The following PTPRM variants were observed in gnomAD, a reference collection of about 807,000 sequenced individuals.
PTPRM encodes protein tyrosine phosphatase receptor type M, also known as receptor-type tyrosine-protein phosphatase mu.
In PTPRM, 47 loss-of-function variants were observed where a neutral mutation model predicts 186.7. The ratio of observed to expected loss-of-function variants is 0.25; its 90% CI spans 0.20 to 0.32. PTPRM has a LOEUF of 0.32. Ranked by LOEUF, PTPRM falls within the 10% of genes least tolerant of loss-of-function variation. PTPRM has a pLI of 1.00. For synonymous variants in PTPRM, 668 were observed against 674.9 expected (o/e 0.99, Z 0.16); for missense variants, 1,494 against 1,865.0 (o/e 0.80, Z 3.66).
At position 8,277,629 on chromosome 18, in the gene PTPRM, T is replaced by C. The variant is rs981445026; in HGVS notation, c.2755-18739T>C. On this transcript the variant is annotated intron_variant, in intron 19 of 32. Transcript: ENST00000580170. Reference sequence around the variant, plus strand: ...CTTCCAAAAGTTAATATTACAGTTATATAAACTTCTATAATCTAACTGATT... The same window carrying C: ...CTTCCAAAAGTTAATATTACAGTTACATAAACTTCTATAATCTAACTGATT... 3.3e-5 allele frequency among the ~76,000 whole-genome samples: 5 copies of C among 152,250 alleles called. No homozygotes were observed. In the East Asian group the frequency reaches 5.8e-4, roughly 18 times the overall value.
chr18:7,932,562 T>A (rs925290911), intron 5 of PTPRM, among the ~76,000 whole-genome samples: 5 of 152,230 alleles, frequency 3.3e-5, no homozygotes, highest in Admixed American at 3.3e-4. Flanking sequence ...TAAGTATTGT[T>A]ATTTATTTAC....
intron 7 of PTPRM, among the ~76,000 whole-genome samples, chr18:7,984,494 C>T (rs1383750257): frequency 1.4e-5 from 2 of 147,504 alleles, no homozygotes; most frequent in Admixed American, 6.9e-5. Context: ...AATCTACCTT[C>T]GTGATTAATA....
At chr18:7,779,432 A>G (rs1248907085) in intron 2 of PTPRM, among the ~76,000 whole-genome samples, 1 of 152,218 alleles carries the variant, frequency 6.6e-6, no homozygotes, top group African/African-American at 2.4e-5. Context: ...CAGAGAGGAA[A>G]GTGTCAGGAT....
At chr18:8,379,024 C>T (rs1191163356) in intron 27 of PTPRM, 143 bp from the exon 28 acceptor site, 8 of 611,838 alleles carry the variant, frequency 1.3e-5, no homozygotes, top group East Asian at 3.2e-5. Flanking sequence ...AAAGAAAACT[C>T]GAACTATGGT....
At chr18:8,386,609 A>G (rs1335809770) in intron 30 of PTPRM, among the ~76,000 whole-genome samples, 1 of 152,210 alleles carries the variant, frequency 6.6e-6, no homozygotes, top group East Asian at 1.9e-4. Context: ...GGATTAATTA[A>G]CTATTGCTAT....
chr18:8,158,810 C>T (rs61496201), intron 14 of PTPRM, among the ~76,000 whole-genome samples: 18,649 of 152,100 alleles, frequency 0.12, 1,262 homozygotes, highest in Non-Finnish European at 0.15. Flanking sequence ...AGCACGAGAG[C>T]GAGCGGGAGG....
chr18:8,365,770 A>C (rs561164351), intron 23 of PTPRM: 2 of 152,672 alleles, frequency 1.3e-5, no homozygotes, highest in South Asian at 2.1e-4. Flanking sequence ...TCTCCGGGAC[A>C]CCCTGCCTCC....
Position 7,910,569 on chromosome 18 carries a change from G to A in PTPRM, c.547+3986G>A, listed in dbSNP as rs141765867. On this transcript the variant is annotated intron_variant, in intron 4 of 32. Coordinates refer to ENST00000580170, the MANE Select transcript of PTPRM (RefSeq NM_001105244.2). Reference sequence around the variant, plus strand: ...TGGCCGATGGTCAGTCTGATTGGTCGTGGGAGGGGACCATTCAGAGGCTGA... The same window carrying A: ...TGGCCGATGGTCAGTCTGATTGGTCATGGGAGGGGACCATTCAGAGGCTGA... Among the ~76,000 whole-genome samples the A allele has an allele frequency of 7.0e-3, 1,073 of 152,300 alleles. 20 individuals are homozygous for A. The highest frequency in any genetic ancestry group is 0.028 in the Admixed American group (422 of 15,298).
chr18:8,103,013 A>G (rs1006571679), intron 11 of PTPRM, among the ~76,000 whole-genome samples: 7 of 151,408 alleles, frequency 4.6e-5, no homozygotes, highest in Non-Finnish European at 1.0e-4. Context: ...ATGAGCAGTA[A>G]TATTTAGAAA....
In PTPRM at chr18:8,386,944, T is replaced by C. The variant is rs8092412; in HGVS notation, c.4045-128T>C. 1,636 of 958,958 alleles carry C rather than the reference T, an allele frequency of 1.7e-3. 21 individuals are homozygous for C. In the African/African-American group the frequency reaches 0.022, roughly 13 times the overall value. 59.4% of individuals were successfully genotyped at this position (958,958 alleles called of 1,614,324 possible). On this transcript the variant is annotated intron_variant, in intron 30 of 32. Transcript: ENST00000580170. ...ACTCTTCAGGCCAGCAGAAGCCACG[T>C]TGGTAATTTGTAGGCAGGACTCGCC...
At chr18:8,090,538 C>G (rs990150439) in intron 11 of PTPRM, among the ~76,000 whole-genome samples, 1 of 152,052 alleles carries the variant, frequency 6.6e-6, no homozygotes, top group Non-Finnish European at 1.5e-5. Context: ...ACTTTCAAAC[C>G]CTTTCAGTTG....
At chr18:7,779,451 G>A (rs1398336865) in intron 2 of PTPRM, among the ~76,000 whole-genome samples, 3 of 152,186 alleles carry the variant, frequency 2.0e-5, no homozygotes, top group South Asian at 2.1e-4. Context: ...ATGGAGCAGC[G>A]TGTGCACTCT....
At chr18:7,834,162 T>C (rs907043940) in intron 2 of PTPRM, among the ~76,000 whole-genome samples, 1 of 152,146 alleles carries the variant, frequency 6.6e-6, no homozygotes, top group Non-Finnish European at 1.5e-5. Flanking sequence ...TTTTACCAAA[T>C]ACTTTTTAGC....
At chr18:8,276,903 A>T (rs576447112) in intron 19 of PTPRM, among the ~76,000 whole-genome samples, 1 of 152,080 alleles carries the variant, frequency 6.6e-6, no homozygotes, top group Non-Finnish European at 1.5e-5. Context: ...ATTGTGAATG[A>T]CAGAAAAAAA....
intron 22 of PTPRM, among the ~76,000 whole-genome samples, chr18:8,341,025 A>G (rs914396339): frequency 1.3e-5 from 2 of 150,754 alleles, no homozygotes; most frequent in African/African-American, 4.9e-5. Flanking sequence ...GGGGAAACTG[A>G]GAGGAGTGAT....
chr18:8,108,206 T>C (rs1166061889), intron 11 of PTPRM, among the ~76,000 whole-genome samples: 1 of 152,190 alleles, frequency 6.6e-6, no homozygotes, highest in Non-Finnish European at 1.5e-5. Context: ...ATTCTTTTTA[T>C]ACATATATAA....
intron 14 of PTPRM, among the ~76,000 whole-genome samples, chr18:8,179,163 G>C (rs944078694): frequency 1.4e-4 from 21 of 152,218 alleles, no homozygotes; most frequent in Admixed American, 1.3e-3. Flanking sequence ...ATTGTGTCCT[G>C]CTGCGAAAGA....
intron 7 of PTPRM, among the ~76,000 whole-genome samples, chr18:8,029,942 G>A (rs1202488267): frequency 3.9e-5 from 6 of 152,148 alleles, no homozygotes; most frequent in South Asian, 2.1e-4. Flanking sequence ...GTTGCATTCC[G>A]TGCACCGCAG....
intron 1 of PTPRM, among the ~76,000 whole-genome samples, chr18:7,615,710 G>T (rs2037786470): frequency 6.6e-6 from 1 of 152,088 alleles, no homozygotes; most frequent in South Asian, 2.1e-4. Context: ...GGGTGGGGTG[G>T]GGATGGTTTG....
Sources: gnomAD v4.1 joint callset for allele counts (sites outside exome capture counted in the v4.1 genomes callset) on GRCh38, gnomAD v4.1.1 for gene constraint, MANE v1.5 for transcripts, NCBI Gene and HGNC (gene_info 2026-07-23, HGNC 2026-07-21) for gene names.